The following CDKL5 variants were observed in gnomAD, a reference collection of about 807,000 sequenced individuals.
The protein encoded by CDKL5 is cyclin dependent kinase like 5, also known as cyclin-dependent kinase-like 5.
Under a neutral mutation model 61.7 loss-of-function variants are expected in CDKL5, and 8 were observed. That is an observed-to-expected ratio of 0.13 (90% confidence interval 0.08 to 0.23). The LOEUF (loss-of-function observed/expected upper bound fraction) is 0.23, where lower values mean the gene tolerates loss of function less well. Ranked by LOEUF, CDKL5 falls within the 10% of genes least tolerant of loss-of-function variation. The probability of loss-of-function intolerance (pLI) is 1.00; values close to 1 mark genes in which losing one functional copy is unlikely to be tolerated. For synonymous variants in CDKL5, 275 were observed against 272.3 expected (o/e 1.01, Z -0.10); for missense variants, 440 against 734.5 (o/e 0.60, Z 4.63).
At chrX:18,650,842 T>C (rs1225931155) in intron 21 of CDKL5, among the ~76,000 whole-genome samples, 7 of 112,295 alleles carry the variant, frequency 6.2e-5, no homozygotes, top group Admixed American at 9.4e-5. Context: ...TTAACCTCTC[T>C]GGGTCTCAGT....
In CDKL5 at chrX:18,580,064, A is replaced by T; in HGVS notation, c.403+96A>T. The T allele has an allele frequency of 8.1e-6, 6 of 741,805 alleles. No homozygotes were observed. The South Asian group carries it at 1.5e-4, about 18-fold the overall frequency. 61.1% of individuals were successfully genotyped at this position (741,805 alleles called of 1,213,427 possible). ...TGTCTTTAAGAATATTTTCATAAGC[A>T]TTGGCATTGCCATTTAAATTAAATA... On this transcript the variant is annotated intron_variant, in intron 6 of 17. Coordinates refer to ENST00000623535, the MANE Select transcript of CDKL5 (RefSeq NM_001323289.2).
intron 17 of CDKL5, chrX:18,626,858 C>T (rs1421236910): frequency 3.8e-5 from 4 of 105,095 alleles, no homozygotes; most frequent in African/African-American, 1.4e-4. Flanking sequence ...AAGCCATTCT[C>T]CCATCTCAGC....
chrX:18,534,062 A>G (rs150324661), intron 3 of CDKL5, among the ~76,000 whole-genome samples: 1 of 112,208 alleles, frequency 8.9e-6, no homozygotes, highest in African/African-American at 3.2e-5. Flanking sequence ...CTGCTCTGGC[A>G]TCAGTCTCAG....
chrX:18,648,939 C>T (rs368387248), intron 20 of CDKL5, among the ~76,000 whole-genome samples: 6 of 107,056 alleles, frequency 5.6e-5, no homozygotes, highest in African/African-American at 2.0e-4. Flanking sequence ...TCCCAGCTAC[C>T]GGGGAGGCTG....
chrX:18,648,944 A>G (rs758193849), intron 20 of CDKL5, among the ~76,000 whole-genome samples: 12 of 105,832 alleles, frequency 1.1e-4, no homozygotes, highest in African/African-American at 4.1e-4. Flanking sequence ...GCTACCGGGG[A>G]GGCTGAGGGA....
intron 1 of CDKL5, among the ~76,000 whole-genome samples, chrX:18,503,418 A>G (rs762218689): frequency 8.9e-6 from 1 of 111,918 alleles, no homozygotes; most frequent in Non-Finnish European, 1.9e-5. Flanking sequence ...TCGTGAGCTC[A>G]AGCAGTCTGC....
intron 15 of CDKL5, among the ~76,000 whole-genome samples, chrX:18,614,614 T>C (rs1050946128): frequency 8.9e-6 from 1 of 112,893 alleles, no homozygotes; most frequent in Non-Finnish European, 1.9e-5. Context: ...TTACTATCGT[T>C]GTCATCTAAC....
chrX:18,435,351 T>C (rs1931587174), intron 1 of CDKL5, among the ~76,000 whole-genome samples: 1 of 112,237 alleles, frequency 8.9e-6, no homozygotes, highest in South Asian at 3.6e-4. Context: ...TTAATTGTAC[T>C]TACTGAAAAT....
At chrX:18,495,804 C>T (rs1004983381) in intron 1 of CDKL5, among the ~76,000 whole-genome samples, 2 of 111,923 alleles carry the variant, frequency 1.8e-5, no homozygotes, top group Admixed American at 1.9e-4. Context: ...TCTCAGACAA[C>T]CTTCCCCAGA....
intron 1 of CDKL5, among the ~76,000 whole-genome samples, chrX:18,436,897 CAAAAAAAAAAA>C (rs60845430): frequency 3.8e-4 from 6 of 15,810 alleles, no homozygotes; most frequent in Non-Finnish European, 6.3e-4. Context: ...ACTCTTGACT[CAAAAAAAAAAA>C]AAAAAAAAAA....
intron 3 of CDKL5, among the ~76,000 whole-genome samples, chrX:18,523,639 C>T (rs974743531): frequency 8.9e-6 from 1 of 111,804 alleles, no homozygotes; most frequent in Admixed American, 9.5e-5. Flanking sequence ...TATAAATGTT[C>T]TTTATCAGGT....
At chrX:18,559,013 C>G (rs1389932149) in intron 3 of CDKL5, among the ~76,000 whole-genome samples, 1 of 112,362 alleles carries the variant, frequency 8.9e-6, no homozygotes, top group African/African-American at 3.2e-5. Context: ...ATGTGCTCTT[C>G]TGGCTTACTC....
At chrX:18,452,819 GTTTTTTTTTTTTT>G (rs757726659) in intron 1 of CDKL5, among the ~76,000 whole-genome samples, 2 of 57,683 alleles carry the variant, frequency 3.5e-5, no homozygotes, top group African/African-American at 6.9e-5. Context: ...TAGTTCTCAA[GTTTTTTTTTTTTT>G]TTTTTTTTTT....
rs1460467366 is a variant in CDKL5, at chrX:18,637,328, A to T, written c.*8571A>T. The T allele has an allele frequency of 9.4e-6, 1 of 106,216 alleles. No homozygotes were observed. Among genetic ancestry groups the T allele is most frequent in the Non-Finnish European group, 1.9e-5 (1 of 51,611 alleles). The allele number at this position is 106,216 out of a possible 1,213,427, so 8.8% of individuals were successfully genotyped here. ...CTTGAACCCAAAAGGCAGAGGTTGC[A>T]GTGAGCCGAGATCACGCCACTGCAC... On this transcript the variant is annotated 3_prime_UTR_variant, in exon 18 of 18. Coordinates refer to ENST00000623535, the MANE Select transcript of CDKL5 (RefSeq NM_001323289.2).
chrX:18,514,133 A>G (rs1034295050), intron 3 of CDKL5, among the ~76,000 whole-genome samples: 3 of 111,272 alleles, frequency 2.7e-5, no homozygotes, highest in Admixed American at 1.9e-4. Flanking sequence ...TTGAGAGATC[A>G]TGCTGATAAA....
chrX:18,566,244 C>T (rs773964902), intron 4 of CDKL5, among the ~76,000 whole-genome samples: 3 of 111,846 alleles, frequency 2.7e-5, no homozygotes, highest in Non-Finnish European at 5.6e-5. Flanking sequence ...CTCCACTCCC[C>T]GGGCTCAAGT....
At chrX:18,600,668 C>G (rs995349693) in intron 11 of CDKL5, among the ~76,000 whole-genome samples, 5 of 111,872 alleles carry the variant, frequency 4.5e-5, no homozygotes, top group African/African-American at 1.6e-4. Flanking sequence ...ACCTGAGGCT[C>G]TCCTCGGGAA....
In CDKL5 at chrX:18,653,559, C is replaced by T. The variant is rs267608394; in HGVS notation, c.*15C>T. On this transcript the variant is annotated 3_prime_UTR_variant, in exon 22 of 22. Coordinates refer to the CDKL5 transcript ENST00000379989. ...CGGGCAAGTGACTTCTGCAAGCCTG[C>T]GGCTGGTCCCAATGCCCTGAATCAC... 80 of 1,206,593 alleles carry T rather than the reference C, an allele frequency of 6.6e-5. No homozygotes were observed. Among genetic ancestry groups the T allele is most frequent in the Non-Finnish European group, 7.7e-5 (69 of 893,039 alleles).
intron 3 of CDKL5, among the ~76,000 whole-genome samples, chrX:18,511,111 A>G (rs1922810966): frequency 8.9e-6 from 1 of 111,898 alleles, no homozygotes; most frequent in Non-Finnish European, 1.9e-5. Context: ...CTTGAAGGTA[A>G]TTTTATGCAA....
Sources: gnomAD v4.1 joint callset for allele counts (sites outside exome capture counted in the v4.1 genomes callset) on GRCh38, gnomAD v4.1.1 for gene constraint, MANE v1.5 for transcripts, NCBI Gene and HGNC (gene_info 2026-07-23, HGNC 2026-07-21) for gene names.